FOXP1: variants seen among roughly 807,000 people sequenced by gnomAD.
FOXP1 encodes forkhead box protein P1.
FOXP1 carries 15 observed loss-of-function variants against 98.2 expected under a neutral mutation model. That is an observed-to-expected ratio of 0.15 (90% CI 0.10 to 0.24). The LOEUF is 0.24. FOXP1 is among the 10% of genes least tolerant of loss of function. FOXP1 has a pLI of 1.00. For missense variants in FOXP1, 633 were observed against 848.5 expected, an observed-to-expected ratio of 0.75 and a Z score of 3.15; for synonymous variants, 371 against 314.5, an observed-to-expected ratio of 1.18 and a Z score of -1.90.
intron 6 of FOXP1, among the ~76,000 whole-genome samples, chr3:71,151,660 ATTTT>A (rs71104420): frequency 2.1e-5 from 3 of 140,104 alleles, no homozygotes; most frequent in East Asian, 4.3e-4. Flanking sequence ...TGTCTAAAAC[ATTTT>A]TTTTTTTTTT....
intron 5 of FOXP1, among the ~76,000 whole-genome samples, chr3:71,227,156 A>T (rs1202189766): frequency 1.3e-5 from 2 of 152,126 alleles, no homozygotes; most frequent in Non-Finnish European, 2.9e-5. Flanking sequence ...GCTCTTGTCT[A>T]AGTCTGCCTT....
At chr3:70,961,571 AGGAAGGCTGCATGG>A (rs1316992063) in intron 20 of FOXP1, among the ~76,000 whole-genome samples, 1 of 152,150 alleles carries the variant, frequency 6.6e-6, no homozygotes, top group Non-Finnish European at 1.5e-5. Flanking sequence ...CATCAGTGCA[AGGAAGGCTGCATGG>A]GGAGTCACCC....
Position 70,957,080 on chromosome 3 carries a change from A to T in FOXP1, c.*2167T>A. ...AAATACTATTATGTAATCTAGTTCAATTATGGAAGCTTTTCTGTCCTGACT... is the reference window on the plus strand; with the variant it reads ...AAATACTATTATGTAATCTAGTTCATTTATGGAAGCTTTTCTGTCCTGACT... On this transcript the variant is annotated 3_prime_UTR_variant, in exon 21 of 21. Transcript: ENST00000649528. The T allele has an allele frequency of 4.5e-6, 1 of 223,144 alleles. No individual in the cohort carries two copies. Among genetic ancestry groups the T allele is most frequent in the Non-Finnish European group, 9.0e-6 (1 of 111,720 alleles). The allele number at this position is 223,144 out of a possible 1,614,324, so 13.8% of individuals were successfully genotyped here.
chr3:71,060,502 G>T (rs531181146), intron 7 of FOXP1, among the ~76,000 whole-genome samples: 1 of 152,046 alleles, frequency 6.6e-6, no homozygotes, highest in African/African-American at 2.4e-5. Context: ...TGGGAAACCC[G>T]TGCAGACCCG....
chr3:71,242,936 T>C (rs994216392), intron 5 of FOXP1, among the ~76,000 whole-genome samples: 1 of 152,208 alleles, frequency 6.6e-6, no homozygotes, highest in African/African-American at 2.4e-5. Context: ...ATTATGTGCC[T>C]TTCAAGGTAG....
chr3:71,129,453 T>A (rs886309064), intron 6 of FOXP1, among the ~76,000 whole-genome samples: 2 of 152,214 alleles, frequency 1.3e-5, no homozygotes, highest in Non-Finnish European at 2.9e-5. Flanking sequence ...TTCTAATAGA[T>A]GCTGTTTTAG....
At chr3:71,456,119 A>C (rs2087465669) in intron 3 of FOXP1, among the ~76,000 whole-genome samples, 1 of 152,166 alleles carries the variant, frequency 6.6e-6, no homozygotes, top group Non-Finnish European at 1.5e-5. Context: ...GCCCTTGCTC[A>C]GATGATTCAA....
intron 3 of FOXP1, among the ~76,000 whole-genome samples, chr3:71,361,863 A>G (rs762001080): frequency 6.6e-6 from 1 of 152,214 alleles, no homozygotes; most frequent in Non-Finnish European, 1.5e-5. Context: ...TGTTTCATGA[A>G]TAGTAAATTT....
In FOXP1 at chr3:71,319,903, C is replaced by T. The variant is rs2075293964; in HGVS notation, c.-72-20023G>A. The stretch of plus-strand genomic sequence containing the variant: ...CACGCCTAGCCAATGGGGCCAAACA[C>T]TCTGGAGGCACATTTGACTCCTCCA... On this transcript the variant is annotated intron_variant, in intron 4 of 20. Transcript: ENST00000649528. Among the ~76,000 whole-genome samples the T allele has an allele frequency of 1.3e-5, 2 of 152,178 alleles. 1 individual carries two copies. Among genetic ancestry groups the T allele is most frequent in the South Asian group, 4.1e-4 (2 of 4,830 alleles).
At chr3:71,317,344 G>C (rs1020685530) in intron 4 of FOXP1, among the ~76,000 whole-genome samples, 2 of 152,212 alleles carry the variant, frequency 1.3e-5, no homozygotes, top group Non-Finnish European at 2.9e-5. Flanking sequence ...CAGGTGTGGA[G>C]TACCACATGG....
chr3:70,972,426 T>G (rs368395201), intron 18 of FOXP1, 129 bp downstream of exon 18: 8 of 1,358,666 alleles, frequency 5.9e-6, no homozygotes, highest in Non-Finnish European at 8.4e-6. Flanking sequence ...AATGCTTTTT[T>G]GCTTCCCTTA....
At chr3:71,063,948 G>C (rs182677889) in intron 7 of FOXP1, among the ~76,000 whole-genome samples, 82 of 152,220 alleles carry the variant, frequency 5.4e-4, no homozygotes, top group Admixed American at 7.9e-4. Context: ...GGAGGAGAGG[G>C]GTAAAAAGTC....
chr3:71,296,235 T>C (rs1024779607), intron 5 of FOXP1: 1 of 152,190 alleles, frequency 6.6e-6, no homozygotes, highest in African/African-American at 2.4e-5. Context: ...GGTTTCAAAT[T>C]TGAGGCGTGG....
At chr3:71,137,217 T>C (rs777007629) in intron 6 of FOXP1, among the ~76,000 whole-genome samples, 1 of 152,178 alleles carries the variant, frequency 6.6e-6, no homozygotes, top group Non-Finnish European at 1.5e-5. Context: ...AGAAGTGAAT[T>C]GACCCTCAAA....
chr3:71,340,567 C>A (rs765772476), intron 4 of FOXP1, among the ~76,000 whole-genome samples: 1 of 151,998 alleles, frequency 6.6e-6, no homozygotes. Flanking sequence ...TATTTTTTCC[C>A]ATGGAACATG....
intron 4 of FOXP1, among the ~76,000 whole-genome samples, chr3:71,339,359 A>C (rs754350264): frequency 2.6e-5 from 4 of 152,230 alleles, no homozygotes; most frequent in Non-Finnish European, 2.9e-5. Flanking sequence ...ATCTATCAAG[A>C]GCATTTCAAC....
intron 5 of FOXP1, among the ~76,000 whole-genome samples, chr3:71,208,169 T>C (rs2064186427): frequency 2.0e-5 from 3 of 152,170 alleles, no homozygotes; most frequent in Admixed American, 6.5e-5. Context: ...ACACGCAAGA[T>C]AGACACAGTA....
intron 5 of FOXP1, among the ~76,000 whole-genome samples, chr3:71,292,121 G>A (rs893906601): frequency 6.6e-5 from 10 of 152,082 alleles, no homozygotes; most frequent in Admixed American, 3.9e-4. Context: ...TTTAAAGTAT[G>A]GAATTTGTAA....
intron 5 of FOXP1, among the ~76,000 whole-genome samples, chr3:71,243,588 C>T (rs557057040): frequency 2.0e-5 from 3 of 152,178 alleles, no homozygotes; most frequent in East Asian, 3.9e-4. Context: ...TGAACAAGTA[C>T]GTCCCAGCAT....
Sources: allele counts gnomAD v4.1 joint callset (sites outside exome capture counted in the v4.1 genomes callset), GRCh38; gene constraint gnomAD v4.1.1; transcripts MANE v1.5; gene names NCBI Gene and HGNC (gene_info 2026-07-23, HGNC 2026-07-21).